Variants in MED15 observed in about 807,000 individuals in gnomAD.
The protein encoded by MED15 is mediator of RNA polymerase II transcription subunit 15.
A neutral mutation model predicts 118.7 loss-of-function variants in MED15; 41 were observed. That is an observed-to-expected ratio of 0.35 (90% CI 0.27 to 0.45). The LOEUF is 0.45. Among genes scored for constraint, MED15 ranks in the 20% least tolerant of loss-of-function variants. The pLI is 1.00. For synonymous variants in MED15, 436 were observed against 413.9 expected (o/e 1.05, Z -0.65); for missense variants, 740 against 1,025.5 (o/e 0.72, Z 3.80).
At chr22:20,547,410 A>G (rs79133081) in intron 2 of MED15, among the ~76,000 whole-genome samples, 5,520 of 152,264 alleles carry the variant, frequency 0.036, 302 homozygotes, top group African/African-American at 0.13. Flanking sequence ...TTCATTTTAG[A>G]AAAATATTTT....
intron 2 of MED15, among the ~76,000 whole-genome samples, chr22:20,545,048 A>G (rs1418811996): frequency 2.6e-5 from 4 of 152,186 alleles, no homozygotes; most frequent in Admixed American, 6.5e-5. Flanking sequence ...TTTTTCTCAA[A>G]TAAGGTAACA....
intron 1 of MED15, among the ~76,000 whole-genome samples, chr22:20,533,805 T>A (rs540331941): frequency 6.6e-6 from 1 of 152,204 alleles, no homozygotes; most frequent in Admixed American, 6.5e-5. Flanking sequence ...CGTCTGCCAG[T>A]ACATCCCCTG....
chr22:20,517,618 G>T (rs1053750695), intron 1 of MED15, among the ~76,000 whole-genome samples: 1 of 152,112 alleles, frequency 6.6e-6, no homozygotes, highest in Non-Finnish European at 1.5e-5. Flanking sequence ...CTCCTAGTCT[G>T]AACTCGTCAG....
chr22:20,581,203 A>G (rs544812164), intron 9 of MED15, among the ~76,000 whole-genome samples: 2 of 152,330 alleles, frequency 1.3e-5, no homozygotes, highest in Admixed American at 6.5e-5. Context: ...GGCACAGCCC[A>G]TGGAACAGGC....
intron 9 of MED15, chr22:20,582,206 T>G: frequency 3.7e-6 from 1 of 273,676 alleles, no homozygotes. Context: ...GTCCCACTGG[T>G]CAGCAGAGCA....
chr22:20,566,436 G>A, intron 6 of MED15, 31 bp from the exon 7 acceptor site: 4 of 1,607,306 alleles, frequency 2.5e-6, no homozygotes, highest in Non-Finnish European at 3.4e-6. Flanking sequence ...GCAGATGAGT[G>A]ATAACCGAGT....
At chr22:20,568,450 T>C (rs2146603894) in intron 7 of MED15, 71 bp from the exon 8 acceptor site, 1 of 1,565,924 alleles carries the variant, frequency 6.4e-7, no homozygotes, top group South Asian at 1.2e-5. Context: ...TTCCTAAGCT[T>C]CCACAGGAAG....
At chr22:20,568,962 C>G (rs1215398917) in intron 8 of MED15, among the ~76,000 whole-genome samples, 1 of 152,182 alleles carries the variant, frequency 6.6e-6, no homozygotes, top group Non-Finnish European at 1.5e-5. Flanking sequence ...CTCCTCACCT[C>G]TCATCTTCCA....
rs201064817 is a variant in MED15, at chr22:20,517,970, A to G, written c.68+10224A>G. Among the ~76,000 whole-genome samples, 33 of 145,584 alleles carry G rather than the reference A, an allele frequency of 2.3e-4. No homozygotes were observed. The East Asian group carries it at 6.6e-3, about 29-fold the overall frequency. ...AAGCCTGATGGTGATGAGGGTGCTC[A>G]TTGCCGCATCATTGTCTCAGGAGTG... On this transcript the variant is annotated intron_variant, in intron 1 of 17. Coordinates refer to ENST00000263205, the MANE Select transcript of MED15 (RefSeq NM_001003891.3).
intron 5 of MED15, among the ~76,000 whole-genome samples, chr22:20,555,362 C>T (rs2055955721): frequency 6.6e-6 from 1 of 152,162 alleles, no homozygotes; most frequent in African/African-American, 2.4e-5. Context: ...CCCTCCTCCT[C>T]CTCCTAGCCC....
In MED15 at chr22:20,525,717, G is replaced by T. The variant is rs528665387; in HGVS notation, c.69-11400G>T. Among the ~76,000 whole-genome samples, 14 of 151,084 alleles carry T rather than the reference G, an allele frequency of 9.3e-5. No homozygotes were observed. In the South Asian group the frequency reaches 1.5e-3, roughly 16 times the overall value. On this transcript the variant is annotated intron_variant, in intron 1 of 17. Coordinates refer to ENST00000263205, the MANE Select transcript of MED15 (RefSeq NM_001003891.3). ...ACGCCTGGCTAATTTTGTATTTTTA[G>T]TAGAGACGGGGTTTCTCCATGTTGG... is the stretch of plus-strand genomic sequence containing the variant.
chr22:20,515,471 A>T lies in MED15; in HGVS notation c.68+7725A>T, dbSNP rs980667663. ...AATGATAGCTGACGAGCTAAAAAAA[A>T]AAAATTGCCAAAAAATCTCATAATA... On this transcript the variant is annotated intron_variant, in intron 1 of 17. Coordinates refer to ENST00000263205, the MANE Select transcript of MED15 (RefSeq NM_001003891.3). 1.6e-4 allele frequency among the ~76,000 whole-genome samples: 25 copies of T among 152,090 alleles called. 1 individual carries two copies. The highest frequency in any genetic ancestry group is 2.1e-4 in the South Asian group (1 of 4,820).
intron 5 of MED15, among the ~76,000 whole-genome samples, chr22:20,556,645 G>T (rs537113757): frequency 2.6e-5 from 4 of 152,242 alleles, no homozygotes; most frequent in African/African-American, 9.6e-5. Flanking sequence ...ACATATATGG[G>T]TATGTGTAGG....
In MED15 at chr22:20,586,729, G is replaced by A; in HGVS notation, c.*25G>A. ...GCCAAGACTGCAGGGATGGCCCGCA[G>A]CCTCATCGGGGCCAAGGACACACGC... On this transcript the variant is annotated 3_prime_UTR_variant, in exon 18 of 18. Coordinates refer to ENST00000263205, the MANE Select transcript of MED15 (RefSeq NM_001003891.3). 6.2e-7 allele frequency: 1 copy of A among 1,610,490 alleles called. No homozygotes were observed. The highest frequency in any genetic ancestry group is 8.5e-7 in the Non-Finnish European group (1 of 1,179,588).
intron 5 of MED15, among the ~76,000 whole-genome samples, chr22:20,556,302 GTT>G (rs361842): frequency 1.9e-4 from 27 of 140,054 alleles, no homozygotes; most frequent in African/African-American, 2.4e-4. Context: ...GACTTCATCA[GTT>G]TTTTTTTTTT....
chr22:20,566,329 T>C, intron 6 of MED15, 138 bp from the exon 7 acceptor site: 1 of 1,481,902 alleles, frequency 6.7e-7, no homozygotes, highest in Admixed American at 1.9e-5. Context: ...CGTGAGCCAC[T>C]GCACCCAGCC....
chr22:20,546,990 C>G (rs901191402), intron 2 of MED15, among the ~76,000 whole-genome samples: 9 of 151,996 alleles, frequency 5.9e-5, no homozygotes, highest in Non-Finnish European at 8.8e-5. Flanking sequence ...CAACAAAAAC[C>G]CATAATTTTA....
intron 2 of MED15, among the ~76,000 whole-genome samples, chr22:20,548,023 G>T (rs1371484655): frequency 6.6e-6 from 1 of 152,104 alleles, no homozygotes; most frequent in African/African-American, 2.4e-5. Flanking sequence ...ATTTTTTAGA[G>T]AAATAAAATT....
chr22:20,550,269 G>C (rs1488671069), intron 2 of MED15, among the ~76,000 whole-genome samples: 3 of 152,208 alleles, frequency 2.0e-5, no homozygotes, highest in Non-Finnish European at 4.4e-5. Flanking sequence ...ATAGCCGGAA[G>C]CTGGGCGTGT....
Sources: gnomAD v4.1 joint callset for allele counts (sites outside exome capture counted in the v4.1 genomes callset) on GRCh38, gnomAD v4.1.1 for gene constraint, MANE v1.5 for transcripts, NCBI Gene and HGNC (gene_info 2026-07-23, HGNC 2026-07-21) for gene names.